Variants in SLC41A3 observed in about 807,000 individuals in gnomAD.
SLC41A3 encodes solute carrier family 41 member 3, also known as SLC41A1-like 2.
Under a neutral mutation model 45.4 loss-of-function variants are expected in SLC41A3, and 44 were observed. The ratio of observed to expected loss-of-function variants is 0.97; its 90% CI spans 0.76 to 1.25. The LOEUF (loss-of-function observed/expected upper bound fraction) is 1.25. Among genes scored for constraint, SLC41A3 ranks in the 50% most tolerant of loss-of-function variants. The pLI is 0.00. For missense variants in SLC41A3, 550 were observed against 600.6 expected (o/e 0.92, Z 0.88); for synonymous variants, 256 against 252.4 (o/e 1.01, Z -0.13).
chr3:126,034,658 C>A (rs1248150747), intron 3 of SLC41A3, among the ~76,000 whole-genome samples: 1 of 152,196 alleles, frequency 6.6e-6, no homozygotes, highest in Non-Finnish European at 1.5e-5. Context: ...CCAGGGCGTG[C>A]TGAGCACGAG....
intron 3 of SLC41A3, among the ~76,000 whole-genome samples, chr3:126,049,733 A>G (rs924203212): frequency 1.3e-5 from 2 of 152,182 alleles, no homozygotes; most frequent in Non-Finnish European, 2.9e-5. Context: ...TCGCTGCTGT[A>G]ACAAACTTAG....
chr3:126,060,625 C>T (rs4679202), intron 2 of SLC41A3, among the ~76,000 whole-genome samples: 100,262 of 152,164 alleles, frequency 0.66, 33,287 homozygotes, highest in Middle Eastern at 0.72. Flanking sequence ...AATAATGTAA[C>T]TATATAAGAA....
intron 1 of SLC41A3, among the ~76,000 whole-genome samples, chr3:126,070,984 G>C (rs945494524): frequency 7.3e-5 from 11 of 151,536 alleles, no homozygotes; most frequent in Admixed American, 6.6e-4. Context: ...TAATCCTCAG[G>C]GCAACTGCTA....
intron 4 of SLC41A3, among the ~76,000 whole-genome samples, chr3:126,027,678 G>A (rs956737911): frequency 5.9e-5 from 9 of 152,194 alleles, no homozygotes; most frequent in African/African-American, 2.2e-4. Context: ...CTCAGAAGAA[G>A]ACAGGAAGAT....
At chr3:126,092,011 T>G (rs1945496360) in intron 1 of SLC41A3, among the ~76,000 whole-genome samples, 1 of 152,208 alleles carries the variant, frequency 6.6e-6, no homozygotes, top group African/African-American at 2.4e-5. Flanking sequence ...TTTCAGGTCC[T>G]TGGCCAAGAG....
intron 3 of SLC41A3, among the ~76,000 whole-genome samples, chr3:126,045,024 A>G (rs1942872578): frequency 6.6e-6 from 1 of 151,676 alleles, no homozygotes; most frequent in African/African-American, 2.4e-5. Flanking sequence ...AGCAACATAC[A>G]CTTGAACAAC....
intron 3 of SLC41A3, among the ~76,000 whole-genome samples, chr3:126,046,042 T>C (rs1203599508): frequency 9.2e-6 from 1 of 109,138 alleles, no homozygotes; most frequent in Non-Finnish European, 2.1e-5. Context: ...TCAACACCTT[T>C]CTGTGATTAA....
chr3:126,091,674 C>T (rs1422018115), intron 1 of SLC41A3, among the ~76,000 whole-genome samples: 1 of 152,128 alleles, frequency 6.6e-6, no homozygotes, highest in Non-Finnish European at 1.5e-5. Flanking sequence ...TTAGTTAATT[C>T]TTTCCTGGAT....
intron 3 of SLC41A3, 135 bp downstream of exon 3, chr3:126,050,808 A>G (rs756002876): frequency 5.1e-5 from 71 of 1,386,818 alleles, no homozygotes; most frequent in Non-Finnish European, 6.3e-5. Flanking sequence ...GGACAGCATG[A>G]TGAGGTATCA....
chr3:126,045,091 A>G (rs1232504499), intron 3 of SLC41A3, among the ~76,000 whole-genome samples: 1 of 151,956 alleles, frequency 6.6e-6, no homozygotes, highest in Non-Finnish European at 1.5e-5. Context: ...AGACAAATGA[A>G]AATGAAAATA....
chr3:126,086,425 T>TG (rs1559897594), upstream of SLC41A3, among the ~76,000 whole-genome samples: 38 of 146,396 alleles, frequency 2.6e-4, no homozygotes, highest in Non-Finnish European at 4.1e-4. Flanking sequence ...TTTTTTTTTT[T>TG]TTTTTTTTTT....
chr3:126,054,124 T>C (rs556287195), intron 2 of SLC41A3, among the ~76,000 whole-genome samples: 1 of 152,284 alleles, frequency 6.6e-6, no homozygotes, highest in South Asian at 2.1e-4. Flanking sequence ...GGCACAAATA[T>C]GACCCCATCA....
At chr3:126,020,730 C>T (rs1313790520) in intron 6 of SLC41A3, among the ~76,000 whole-genome samples, 1 of 152,140 alleles carries the variant, frequency 6.6e-6, no homozygotes, top group African/African-American at 2.4e-5. Context: ...TTTATAATCT[C>T]TTCTCTCTGA....
chr3:126,035,281 T>C (rs1942097547), intron 3 of SLC41A3, among the ~76,000 whole-genome samples: 1 of 152,168 alleles, frequency 6.6e-6, no homozygotes, highest in Admixed American at 6.5e-5. Flanking sequence ...TGCTGAAACC[T>C]TCCAGGATGG....
At chr3:126,044,481 C>T (rs185393062) in intron 3 of SLC41A3, among the ~76,000 whole-genome samples, 6 of 152,258 alleles carry the variant, frequency 3.9e-5, no homozygotes, top group African/African-American at 1.4e-4. Flanking sequence ...ATATACAAAA[C>T]ACTCCACCGA....
Position 126,016,875 on chromosome 3 carries a change from T to C in SLC41A3, c.746A>G (p.Asp249Gly). The C allele has an allele frequency of 6.2e-7, 1 of 1,611,342 alleles. No homozygotes were observed. The highest frequency in any genetic ancestry group is 8.5e-7 in the Non-Finnish European group (1 of 1,179,744). The change falls in exon 7 of 11, where the codon GAT (aspartate) becomes GGT (glycine). Residue 249 changes from aspartate to glycine, a missense_variant and splice_region_variant. By Grantham distance (94) the Asp-to-Gly change is moderately conservative (BLOSUM62 -1). Coordinates refer to ENST00000360370, the MANE Select transcript of SLC41A3 (RefSeq NM_017836.4). ...LVSSFFYRHK[D>G]SRYLTPLVCL... is the part of the protein sequence containing the mutation. ...GACCAGCGGCGTCAGATACCGACTA[T>C]CTGAAAGGAGAACAGGGACACACGC...
chr3:126,088,807 T>G (rs907939712), upstream of SLC41A3, among the ~76,000 whole-genome samples: 7 of 152,206 alleles, frequency 4.6e-5, no homozygotes, highest in African/African-American at 1.7e-4. Flanking sequence ...AAATAACCAC[T>G]TTAAGGACAA....
Position 126,006,679 on chromosome 3 carries a change from A to T in SLC41A3, c.*337T>A. ...TGCATGGGCATGGAAAAGAGCAAAC[A>T]CACCCTGCAAAGCATACTGGACATG... On this transcript the variant is annotated 3_prime_UTR_variant, in exon 11 of 11. Transcript: ENST00000360370. 6 of 1,474,206 alleles carry T rather than the reference A, an allele frequency of 4.1e-6. No individual in the cohort carries two copies. The highest frequency in any genetic ancestry group is 5.4e-6 in the Non-Finnish European group (6 of 1,115,486). 91.3% of individuals were successfully genotyped at this position (1,474,206 alleles called of 1,614,324 possible).
rs578241797 is a variant in SLC41A3, at chr3:126,019,035, T to C, written c.746-2160A>G. Among the ~76,000 whole-genome samples the C allele has an allele frequency of 4.3e-4, 65 of 152,312 alleles. 1 individual carries two copies. In the Middle Eastern group the frequency reaches 0.02, roughly 48 times the overall value. ...TTATAACAGAACACTCGAAACTGGG[T>C]AATTCCTAAAGAAAACGAATTTGTT... On this transcript the variant is annotated intron_variant, in intron 6 of 10. Transcript: ENST00000360370.
Sources: allele counts gnomAD v4.1 joint callset (sites outside exome capture counted in the v4.1 genomes callset), GRCh38; gene constraint gnomAD v4.1.1; transcripts MANE v1.5; gene names NCBI Gene and HGNC (gene_info 2026-07-23, HGNC 2026-07-21).